The following AAAS variants were observed in gnomAD, a reference collection of about 807,000 sequenced individuals.
AAAS encodes the protein aladin WD repeat nucleoporin, also known as aladin.
AAAS carries 60 observed loss-of-function variants against 75.6 expected under a neutral mutation model. The observed-to-expected ratio is 0.79, with a 90% confidence interval of 0.64 to 0.98. AAAS has a LOEUF of 0.98. Among genes scored for constraint, AAAS ranks in the 50% least tolerant of loss-of-function variants. AAAS has a pLI of 0.00. For missense variants in AAAS, 658 were observed against 686.9 expected (o/e 0.96, Z 0.47); for synonymous variants, 271 against 265.0 (o/e 1.02, Z -0.22).
At chr12:53,316,764 CAAAAAAAAAAAA>C (rs34520642) in intron 2 of AAAS, among the ~76,000 whole-genome samples, 1,674 of 77,252 alleles carry the variant, frequency 0.022, 28 homozygotes, top group South Asian at 0.11. Flanking sequence ...CCATCTCAGA[CAAAAAAAAAAAA>C]AAAAAAAAAG....
chr12:53,309,337 T>A, intron 8 of AAAS, 56 bp from the exon 9 acceptor site: 1 of 1,609,168 alleles, frequency 6.2e-7, no homozygotes, highest in Admixed American at 1.7e-5. Flanking sequence ...CATCTCACAG[T>A]GGGCTGGCCT....
At chr12:53,314,553 C>T (rs1029541319) in intron 6 of AAAS, 112 bp from the exon 7 acceptor site, 18 of 1,489,084 alleles carry the variant, frequency 1.2e-5, no homozygotes, top group African/African-American at 4.2e-5. Flanking sequence ...CATCCAGGGG[C>T]CAGGGGCACC....
At chr12:53,311,921 C>A (rs1363474988) in intron 7 of AAAS, among the ~76,000 whole-genome samples, 1 of 151,242 alleles carries the variant, frequency 6.6e-6, no homozygotes, top group Admixed American at 6.6e-5. Flanking sequence ...CATCCCCCCC[C>A]AAAAAAAATC....
intron 2 of AAAS, among the ~76,000 whole-genome samples, chr12:53,318,253 T>TGTGC (rs1555191473): frequency 6.3e-4 from 54 of 85,494 alleles, no homozygotes; most frequent in African/African-American, 1.8e-3. Flanking sequence ...TGCGTGTGTG[T>TGTGC]GTGTGTGTGT....
chr12:53,313,654 G>C (rs1280832123), intron 7 of AAAS, among the ~76,000 whole-genome samples: 2 of 149,952 alleles, frequency 1.3e-5, no homozygotes, highest in Admixed American at 1.3e-4. Flanking sequence ...TGTTGCCCAG[G>C]CTGGAGTACA....
intron 2 of AAAS, among the ~76,000 whole-genome samples, chr12:53,317,317 GGAGGCT>G (rs770301929): frequency 2.0e-5 from 3 of 152,030 alleles, no homozygotes; most frequent in African/African-American, 4.8e-5. Flanking sequence ...CAGCACTTTG[GGAGGCT>G]GAGGCGGGCG....
chr12:53,320,897 C>T, intron 1 of AAAS: 1 of 632,232 alleles, frequency 1.6e-6, no homozygotes. Context: ...CATAGGGTTG[C>T]TGTGATTATG....
In AAAS at chr12:53,307,697, C is replaced by A. The variant is rs781738941; in HGVS notation, c.1433G>T (p.Arg478Leu). The A allele has an allele frequency of 8.1e-6, 13 of 1,613,954 alleles. No homozygotes were observed. The highest frequency in any genetic ancestry group is 1.1e-5 in the Non-Finnish European group (13 of 1,180,048). ...AAAGTACAGCGGGATGTGGGCAATT[C>A]GGCCTGTGGACCAGCCCTGCAGAGA... ...ALLSVGWSTGRIAHIPLYFVN... is the reference protein window; with the variant it reads ...ALLSVGWSTGLIAHIPLYFVN... The change falls in exon 16 of 16, where the codon CGA (arginine) becomes CTA (leucine). Residue 478 changes from arginine to leucine, a missense_variant. Arg to Leu is a moderately radical substitution (Grantham distance 102). Coordinates refer to ENST00000209873, the MANE Select transcript of AAAS (RefSeq NM_015665.6).
intron 7 of AAAS, 171 bp from the exon 8 acceptor site, chr12:53,309,892 A>G (rs1364816015): frequency 9.3e-7 from 1 of 1,071,344 alleles, no homozygotes; most frequent in Non-Finnish European, 1.4e-6. Context: ...AAAAACAGCG[A>G]AGGGGAAAAA....
intron 7 of AAAS, among the ~76,000 whole-genome samples, chr12:53,311,182 G>A (rs1008860107): frequency 2.0e-5 from 3 of 152,054 alleles, no homozygotes; most frequent in East Asian, 1.9e-4. Context: ...AGGCTCAAGC[G>A]ATCCATCTGC....
intron 2 of AAAS, among the ~76,000 whole-genome samples, chr12:53,320,324 G>A (rs1189012809): frequency 1.3e-5 from 2 of 152,162 alleles, no homozygotes; most frequent in Non-Finnish European, 2.9e-5. Context: ...AGTTACTAGA[G>A]ATGAAATGGA....
intron 7 of AAAS, among the ~76,000 whole-genome samples, chr12:53,312,648 C>A (rs1232636902): frequency 2.0e-5 from 3 of 151,396 alleles, no homozygotes; most frequent in Non-Finnish European, 4.4e-5. Context: ...TTTTATAATT[C>A]TTCTATTTTC....
Position 53,315,401 on chromosome 12 carries a change from G to A in AAAS, c.333C>T (p.Ser111=), listed in dbSNP as rs146770218. The A allele has an allele frequency of 1.6e-5, 26 of 1,613,544 alleles. No homozygotes were observed. The highest frequency in any genetic ancestry group is 3.5e-4 in the Middle Eastern group (2 of 5,792). ...ATCGACAGAGTGCCAGGGCCCAGCC[G>A]GATGCCGTCTTCACCCACTCAAACA... ...EEVFEWVKTA[S]GWALALCRWA... The change falls in exon 4 of 16, where the codon TCC becomes TCT. Residue 111 remains serine, a synonymous_variant. Transcript: ENST00000209873.
intron 7 of AAAS, among the ~76,000 whole-genome samples, chr12:53,313,323 C>A (rs1370093492): frequency 1.3e-5 from 2 of 151,994 alleles, no homozygotes; most frequent in African/African-American, 4.8e-5. Flanking sequence ...ACCACCACGT[C>A]CAGCTAATTT....
At chr12:53,311,393 C>T (rs1403768839) in intron 7 of AAAS, among the ~76,000 whole-genome samples, 2 of 152,196 alleles carry the variant, frequency 1.3e-5, no homozygotes, top group African/African-American at 4.8e-5. Flanking sequence ...TCCTGAGTAG[C>T]TGGGATTATA....
rs1944302933 is a variant in AAAS, at chr12:53,307,497, G to A, written c.1633C>T (p.His545Tyr). Reference protein sequence around the residue: ...PPVLPHSPHSHL With the variant: ...PPVLPHSPHSYL ...GGAAAACTTATTTATTCTTAGAGGT[G>A]GGAATGTGGGGAGTGGGGCAGAACA... Residue 545 changes from histidine to tyrosine, a missense_variant, in exon 16 of 16, where the codon CAC becomes TAC. Coordinates refer to ENST00000209873, the MANE Select transcript of AAAS (RefSeq NM_015665.6). The A allele has an allele frequency of 6.2e-7, 1 of 1,612,426 alleles. No individual in the cohort carries two copies. Among genetic ancestry groups the A allele is most frequent in the Non-Finnish European group, 8.5e-7 (1 of 1,178,674 alleles).
Position 53,309,534 on chromosome 12 carries a change from T to A in AAAS, c.810+67A>T, listed in dbSNP as rs1944352832. The A allele has an allele frequency of 4.3e-6, 7 of 1,611,134 alleles. No homozygotes were observed. In the East Asian group the frequency reaches 1.6e-4, roughly 36 times the overall value. ...TCCCTCCTCCTTCCCCCAAGATGTT[T>A]CCACAACCGAGTGAGGAACACTTTT... On this transcript the variant is annotated intron_variant, in intron 8 of 15. Transcript: ENST00000209873.
At chr12:53,309,103 A>G in intron 9 of AAAS, 54 bp downstream of exon 9, 3 of 1,614,180 alleles carry the variant, frequency 1.9e-6, no homozygotes, top group Non-Finnish European at 2.5e-6. Context: ...AGCTTCCAGG[A>G]GCTAAGTGCC....
At chr12:53,310,441 T>C (rs973018204) in intron 7 of AAAS, among the ~76,000 whole-genome samples, 2 of 151,904 alleles carry the variant, frequency 1.3e-5, no homozygotes, top group Non-Finnish European at 2.9e-5. Context: ...TCGCCTGTAG[T>C]CCCAGCTACT....
Sources: gnomAD v4.1 joint callset for allele counts (sites outside exome capture counted in the v4.1 genomes callset) on GRCh38, gnomAD v4.1.1 for gene constraint, MANE v1.5 for transcripts, NCBI Gene and HGNC (gene_info 2026-07-23, HGNC 2026-07-21) for gene names.